MACF1: variants seen among roughly 807,000 people sequenced by gnomAD.
The protein encoded by MACF1 is microtubule actin crosslinking factor 1.
In MACF1, 193 loss-of-function variants were observed where a neutral mutation model predicts 854.8. That is an observed-to-expected ratio of 0.23 (90% CI 0.20 to 0.25). MACF1 has a LOEUF of 0.25. Ranked by LOEUF, MACF1 falls within the 10% of genes least tolerant of loss-of-function variation. MACF1 has a pLI of 1.00. For synonymous variants in MACF1, 3,185 were observed against 3,226.7 expected, an observed-to-expected ratio of 0.99 and a Z score of 0.44; for missense variants, 7,722 against 8,929.1, an observed-to-expected ratio of 0.86 and a Z score of 5.45.
At chr1:39,149,594 A>G (rs1177963722) in intron 2 of MACF1, among the ~76,000 whole-genome samples, 1 of 152,130 alleles carries the variant, frequency 6.6e-6, no homozygotes, top group African/African-American at 2.4e-5. Flanking sequence ...AAAAGGAGGC[A>G]TTGATTTTGG....
intron 2 of MACF1, among the ~76,000 whole-genome samples, chr1:39,169,974 G>C (rs1321432985): frequency 1.3e-5 from 2 of 151,102 alleles, no homozygotes; most frequent in African/African-American, 4.9e-5. Context: ...GTAGAGATGG[G>C]GTTTCACCTT....
chr1:39,386,609 T>C (rs1041386050), intron 57 of MACF1, among the ~76,000 whole-genome samples: 2 of 152,176 alleles, frequency 1.3e-5, no homozygotes, highest in African/African-American at 4.8e-5. Context: ...TTTTTGTATT[T>C]TTAATAGAGA....
intron 88 of MACF1, among the ~76,000 whole-genome samples, 155 bp from the exon 89 acceptor site, chr1:39,454,754 T>G (rs529307193): frequency 3.1e-4 from 47 of 152,116 alleles, no homozygotes; most frequent in African/African-American, 1.1e-3. Context: ...GAGCCAAGAT[T>G]GTGCCACTAC....
chr1:39,322,711 A>C lies in MACF1; in HGVS notation c.4133A>C (p.Gln1378Pro), dbSNP rs898137259. 6.2e-7 allele frequency: 1 copy of C among 1,614,010 alleles called. No individual in the cohort carries two copies. The highest frequency in any genetic ancestry group is 1.1e-5 in the South Asian group (1 of 91,084). ...CTTTCCTCTTCAGATGCCATCACTC[A>C]AGAGGTGAGAGGGTGGGGGAAGGAA... Reference protein sequence around the residue: ...RMLSSSDAITQEFMDLRTRYT... With the variant: ...RMLSSSDAITPEFMDLRTRYT... Residue 1378 changes from glutamine to proline, a missense_variant, in exon 32 of 101, where the codon CAA (glutamine) becomes CCA (proline). Coordinates refer to ENST00000564288, the MANE Select transcript of MACF1 (RefSeq NM_001394062.1).
chr1:39,249,373 ATAC>A (rs1423700596), intron 2 of MACF1, among the ~76,000 whole-genome samples: 13 of 152,188 alleles, frequency 8.5e-5, no homozygotes, highest in African/African-American at 2.9e-4. Flanking sequence ...AGAAATAATA[ATAC>A]TACTTACCTT....
chr1:39,415,333 TA>T (rs1249584299), intron 58 of MACF1, among the ~76,000 whole-genome samples: 2 of 151,166 alleles, frequency 1.3e-5, no homozygotes, highest in Non-Finnish European at 2.9e-5. Context: ...AGATTCTTTT[TA>T]TTTTTTTTTT....
chr1:39,269,518 C>A (rs1557554627), intron 6 of MACF1: 3 of 1,289,798 alleles, frequency 2.3e-6, no homozygotes, highest in South Asian at 1.2e-5. Flanking sequence ...TCCAGACTGC[C>A]TACTTCTCAG....
In MACF1 at chr1:39,468,674, C is replaced by T. The variant is rs201768116; in HGVS notation, c.21831C>T (p.Arg7277=). The T allele has an allele frequency of 7.2e-5, 116 of 1,614,086 alleles. No individual in the cohort carries two copies. Among genetic ancestry groups the T allele is most frequent in the Non-Finnish European group, 9.7e-5 (114 of 1,180,024 alleles). ...TTCTGCGCAGCACCGTGATGGTTCG[C>T]GTTGGTGGAGGATGGATGGCCTTGG... ...VRILRSTVMV[R]VGGGWMALDE... is the part of the protein sequence containing the mutation. Residue 7277 remains arginine (R), a synonymous_variant, in exon 96 of 101, where the codon CGC becomes CGT. Transcript: ENST00000564288.
At chr1:39,437,711 C>G in intron 70 of MACF1, 66 bp from the exon 71 acceptor site, 16 of 1,207,604 alleles carry the variant, frequency 1.3e-5, no homozygotes, top group African/African-American at 7.4e-5. Flanking sequence ...TGTCCTTATT[C>G]CCTAACACTT....
chr1:39,295,013 T>C (rs1190833418), intron 18 of MACF1, 33 bp from the exon 19 acceptor site: 1 of 1,496,174 alleles, frequency 6.7e-7, no homozygotes, highest in South Asian at 1.1e-5. Context: ...CTGCCAAGAG[T>C]GCTTATGCTG....
chr1:39,310,692 A>G (rs996910087), intron 25 of MACF1, 139 bp from the exon 26 acceptor site: 1 of 893,430 alleles, frequency 1.1e-6, no homozygotes, highest in Non-Finnish European at 1.7e-6. Flanking sequence ...AAAGATTAGT[A>G]TACAGTATGT....
At chr1:39,437,406 G>T (rs1392248872) in intron 70 of MACF1, among the ~76,000 whole-genome samples, 2 of 151,910 alleles carry the variant, frequency 1.3e-5, no homozygotes, top group Non-Finnish European at 2.9e-5. Flanking sequence ...TGCCTCTCGG[G>T]TTCAAGTGAT....
chr1:39,242,209 G>T (rs978996688), intron 2 of MACF1, among the ~76,000 whole-genome samples: 5 of 152,034 alleles, frequency 3.3e-5, no homozygotes, highest in African/African-American at 1.2e-4. Context: ...AATTAGCTGG[G>T]CGTAGCAGCG....
chr1:39,199,804 A>C (rs1644367005), upstream of MACF1, among the ~76,000 whole-genome samples: 1 of 152,200 alleles, frequency 6.6e-6, no homozygotes, highest in Non-Finnish European at 1.5e-5. Context: ...AATGCTCTGC[A>C]TCTTTTAATG....
At chr1:39,369,114 A>G (rs1343199126) in intron 50 of MACF1, among the ~76,000 whole-genome samples, 3 of 151,326 alleles carry the variant, frequency 2.0e-5, no homozygotes, top group Non-Finnish European at 2.9e-5. Context: ...CTGGGATTAC[A>G]GGTGTGAACC....
chr1:39,265,925 G>A (rs1411665921), intron 6 of MACF1, among the ~76,000 whole-genome samples: 1 of 152,130 alleles, frequency 6.6e-6, no homozygotes, highest in East Asian at 1.9e-4. Flanking sequence ...GTAAGTAGGT[G>A]GTAGTATGCA....
intron 2 of MACF1, among the ~76,000 whole-genome samples, chr1:39,114,501 G>A (rs1013602698): frequency 1.3e-5 from 2 of 152,112 alleles, no homozygotes; most frequent in African/African-American, 2.4e-5. Flanking sequence ...GCTGAGACAG[G>A]AGGATCACGA....
chr1:39,207,318 A>T (rs373035575), intron 1 of MACF1, among the ~76,000 whole-genome samples: 1 of 133,126 alleles, frequency 7.5e-6, no homozygotes, highest in Non-Finnish European at 1.6e-5. Context: ...TGCTCTTGTT[A>T]TCCAGGCTGG....
intron 97 of MACF1, among the ~76,000 whole-genome samples, chr1:39,472,809 A>G (rs1644802269): frequency 7.3e-6 from 1 of 137,188 alleles, no homozygotes; most frequent in Non-Finnish European, 1.7e-5. Flanking sequence ...GAAGGAAAAT[A>G]AAAGGGAGAA....
Sources: gnomAD v4.1 joint callset for allele counts (sites outside exome capture counted in the v4.1 genomes callset) on GRCh38, gnomAD v4.1.1 for gene constraint, MANE v1.5 for transcripts, NCBI Gene and HGNC (gene_info 2026-07-23, HGNC 2026-07-21) for gene names.